Variants in ZPBP observed in about 807,000 individuals in gnomAD.
ZPBP encodes the protein zona pellucida-binding protein 1.
A neutral mutation model predicts 44.8 loss-of-function variants in ZPBP; 26 were observed. The ratio of observed to expected loss-of-function variants is 0.58; its 90% confidence interval spans 0.43 to 0.81. ZPBP has a LOEUF of 0.81. Among genes scored for constraint, ZPBP ranks in the 30% least tolerant of loss-of-function variants. ZPBP has a pLI of 0.00. For missense variants in ZPBP, 409 were observed against 434.0 expected (o/e 0.94, Z 0.51); for synonymous variants, 174 against 153.2 (o/e 1.14, Z -1.00).
At chr7:49,858,245 C>A (rs1028361175) in intron 2 of ZPBP, among the ~76,000 whole-genome samples, 1 of 152,118 alleles carries the variant, frequency 6.6e-6, no homozygotes, top group African/African-American at 2.4e-5. Context: ...GCTATAATGA[C>A]ACATGCACAC....
intron 5 of ZPBP, among the ~76,000 whole-genome samples, chr7:50,027,397 G>C (rs1281785720): frequency 6.6e-6 from 1 of 151,902 alleles, no homozygotes; most frequent in Non-Finnish European, 1.5e-5. Context: ...AATTATAAGG[G>C]AAATTAGAAA....
At chr7:50,025,391 A>G (rs1489896908) in intron 5 of ZPBP, among the ~76,000 whole-genome samples, 1 of 151,908 alleles carries the variant, frequency 6.6e-6, no homozygotes, top group Non-Finnish European at 1.5e-5. Flanking sequence ...ACTTACTATA[A>G]AACTACAGAA....
At chr7:49,893,547 T>A (rs901374627) in intron 2 of ZPBP, among the ~76,000 whole-genome samples, 7 of 152,192 alleles carry the variant, frequency 4.6e-5, no homozygotes, top group Admixed American at 2.0e-4. Flanking sequence ...AAAACACACA[T>A]GTCCACATGA....
At chr7:49,974,298 T>C (rs981880937) in intron 7 of ZPBP, among the ~76,000 whole-genome samples, 2 of 152,190 alleles carry the variant, frequency 1.3e-5, no homozygotes, top group Non-Finnish European at 2.9e-5. Context: ...TTTTATGCCA[T>C]GCATAATTTA....
At chr7:49,850,175 T>C (rs1267117889), downstream of ZPBP, among the ~76,000 whole-genome samples, 2 of 152,208 alleles carry the variant, frequency 1.3e-5, no homozygotes, top group Non-Finnish European at 2.9e-5. Flanking sequence ...AGACTGAGCA[T>C]AGTACCACAA....
At chr7:49,922,719 G>A (rs767014873) in intron 1 of ZPBP, among the ~76,000 whole-genome samples, 2 of 152,180 alleles carry the variant, frequency 1.3e-5, no homozygotes, top group Non-Finnish European at 2.9e-5. Context: ...ATACAAAGGC[G>A]GGTAACCTCC....
intron 1 of ZPBP, among the ~76,000 whole-genome samples, chr7:50,090,548 TGC>T (rs1307715154): frequency 2.6e-5 from 4 of 151,304 alleles, no homozygotes; most frequent in African/African-American, 9.8e-5. Context: ...TATATATGTG[TGC>T]ATATATATGC....
intron 2 of ZPBP, among the ~76,000 whole-genome samples, chr7:49,855,097 T>G (rs1405747321): frequency 1.3e-5 from 2 of 152,214 alleles, no homozygotes; most frequent in East Asian, 3.8e-4. Flanking sequence ...TTGGTACAGC[T>G]GTGAAGATAG....
downstream of ZPBP, among the ~76,000 whole-genome samples, chr7:49,848,462 C>T (rs1790046737): frequency 6.6e-6 from 1 of 152,240 alleles, no homozygotes; most frequent in Admixed American, 6.5e-5. Flanking sequence ...TGTTTCCAGC[C>T]CACCTGCCCA....
At chr7:49,902,922 A>G (rs143475268) in intron 1 of ZPBP, among the ~76,000 whole-genome samples, 4 of 152,310 alleles carry the variant, frequency 2.6e-5, no homozygotes, top group African/African-American at 9.6e-5. Flanking sequence ...ATTAAACAAT[A>G]AAAACACCAA....
At chr7:49,854,996 A>T (rs563058543) in intron 2 of ZPBP, among the ~76,000 whole-genome samples, 3 of 152,334 alleles carry the variant, frequency 2.0e-5, no homozygotes, top group African/African-American at 7.2e-5. Context: ...AAGCTTCCTG[A>T]AAATGCAAAC....
chr7:49,959,760 T>C (rs1039078970), intron 7 of ZPBP, among the ~76,000 whole-genome samples: 5 of 152,122 alleles, frequency 3.3e-5, no homozygotes, highest in Admixed American at 3.3e-4. Context: ...CTAAAATGCA[T>C]ACAATAATTC....
intron 7 of ZPBP, among the ~76,000 whole-genome samples, chr7:49,942,036 TATTGGGAAAACTGGATATACACA>T (rs1417733857): frequency 6.6e-6 from 1 of 152,024 alleles, no homozygotes; most frequent in African/African-American, 2.4e-5. Flanking sequence ...CACCCAATGG[TATTGGGAAAACTGGATATACACA>T]GACAACTAAA....
intron 2 of ZPBP, among the ~76,000 whole-genome samples, chr7:49,890,490 C>A (rs1256511690): frequency 6.6e-6 from 1 of 152,054 alleles, no homozygotes; most frequent in Non-Finnish European, 1.5e-5. Flanking sequence ...GGTTAGCATC[C>A]CTACTGAACT....
chr7:49,842,099 C>A, the ZPBP span, among the ~76,000 whole-genome samples: 1 of 152,134 alleles, frequency 6.6e-6, no homozygotes, highest in African/African-American at 2.4e-5. Flanking sequence ...AACTCCTGAC[C>A]TCAGGTGATC....
chr7:50,000,545 T>C (rs1798046240), intron 6 of ZPBP, among the ~76,000 whole-genome samples: 1 of 152,170 alleles, frequency 6.6e-6, no homozygotes, highest in African/African-American at 2.4e-5. Context: ...TGACCTCCAA[T>C]GCAGGTCTCC....
chr7:49,916,869 C>T (rs1025441595), intron 1 of ZPBP: 10 of 152,132 alleles, frequency 6.6e-5, no homozygotes, highest in Admixed American at 4.6e-4. Flanking sequence ...TGGTAGTTTT[C>T]GGATGAACTC....
At chr7:49,988,485 G>T (rs2128786165) in intron 6 of ZPBP, among the ~76,000 whole-genome samples, 1 of 152,188 alleles carries the variant, frequency 6.6e-6, no homozygotes, top group East Asian at 1.9e-4. Context: ...GTTAATTTGT[G>T]TTCCAAAATT....
At chr7:50,088,498 T>A (rs1210547468) in intron 2 of ZPBP, among the ~76,000 whole-genome samples, 2 of 151,982 alleles carry the variant, frequency 1.3e-5, no homozygotes, top group Admixed American at 1.3e-4. Flanking sequence ...ATCCACTGAA[T>A]GGGAAAAATA....
Sources: gnomAD v4.1 joint callset for allele counts (sites outside exome capture counted in the v4.1 genomes callset) on GRCh38, gnomAD v4.1.1 for gene constraint, MANE v1.5 for transcripts, NCBI Gene and HGNC (gene_info 2026-07-23, HGNC 2026-07-21) for gene names.